Variants in TANC2 observed in about 807,000 individuals in gnomAD.
The protein encoded by TANC2 is protein TANC2.
TANC2 carries 26 observed loss-of-function variants against 210.5 expected under a neutral mutation model. The ratio of observed to expected loss-of-function variants is 0.12; its 90% CI spans 0.09 to 0.17. The LOEUF (loss-of-function observed/expected upper bound fraction) is 0.17, where lower values mean the gene tolerates loss of function less well. Ranked by LOEUF, TANC2 falls within the 10% of genes least tolerant of loss-of-function variation. The pLI, the probability that TANC2 is intolerant of heterozygous loss-of-function variation, is 1.00. For synonymous variants in TANC2, 931 were observed against 967.1 expected, an observed-to-expected ratio of 0.96 and a Z score of 0.69; for missense variants, 2,129 against 2,608.9, an observed-to-expected ratio of 0.82 and a Z score of 4.01.
At chr17:63,212,918 T>C (rs1355375732) in intron 7 of TANC2, among the ~76,000 whole-genome samples, 1 of 152,238 alleles carries the variant, frequency 6.6e-6, no homozygotes, top group Non-Finnish European at 1.5e-5. Flanking sequence ...ATTACTCTAT[T>C]CATTATTCAA....
intron 2 of TANC2, among the ~76,000 whole-genome samples, chr17:63,057,418 T>A (rs1370556453): frequency 2.0e-5 from 3 of 152,182 alleles, no homozygotes; most frequent in African/African-American, 4.8e-5. Flanking sequence ...CTTTATAATT[T>A]TTTTCTTTTT....
At chr17:63,157,318 C>T (rs1277273022) in intron 5 of TANC2, among the ~76,000 whole-genome samples, 1 of 151,906 alleles carries the variant, frequency 6.6e-6, no homozygotes. Context: ...GGTTAATAAT[C>T]TCATCACACT....
At chr17:63,291,068 C>G (rs974417300) in intron 9 of TANC2, among the ~76,000 whole-genome samples, 4 of 152,080 alleles carry the variant, frequency 2.6e-5, no homozygotes, top group African/African-American at 9.7e-5. Flanking sequence ...GGCATTTTCC[C>G]CCTTCCCCCA....
chr17:63,377,531 C>G (rs1018478638), intron 14 of TANC2, among the ~76,000 whole-genome samples: 1 of 152,238 alleles, frequency 6.6e-6, no homozygotes, highest in African/African-American at 2.4e-5. Context: ...TTCCTTATCT[C>G]TATCTGAGAC....
chr17:63,306,815 A>G lies in TANC2; in HGVS notation c.1160-7573A>G, dbSNP rs150726799. Among the ~76,000 whole-genome samples the G allele has an allele frequency of 1.4e-4, 21 of 152,266 alleles. No homozygotes were observed. The East Asian group carries it at 3.7e-3, about 27-fold the overall frequency. The stretch of plus-strand genomic sequence containing the variant: ...CAAAGTTTTTTAAAAATAGTCACGT[A>G]TGGTGGGACATGCCTATAGTCCCAG... On this transcript the variant is annotated intron_variant, in intron 9 of 27. Transcript: ENST00000689528.
chr17:63,396,039 C>A, intron 18 of TANC2, 111 bp downstream of exon 18: 2 of 968,680 alleles, frequency 2.1e-6, no homozygotes, highest in Non-Finnish European at 1.5e-6. Flanking sequence ...AATGTGAATT[C>A]GTGATCGCTG....
chr17:63,180,039 G>C (rs1317867391), intron 5 of TANC2, among the ~76,000 whole-genome samples: 1 of 151,032 alleles, frequency 6.6e-6, no homozygotes, highest in Non-Finnish European at 1.5e-5. Flanking sequence ...TACTCAAGAG[G>C]CTGAAGTGGG....
At chr17:63,289,055 A>G (rs1460093534) in intron 9 of TANC2, among the ~76,000 whole-genome samples, 3 of 152,064 alleles carry the variant, frequency 2.0e-5, no homozygotes, top group Non-Finnish European at 4.4e-5. Flanking sequence ...GTCACATGTA[A>G]TTCTTATCTT....
intron 1 of TANC2, among the ~76,000 whole-genome samples, chr17:63,007,994 T>G (rs886127124): frequency 1.3e-5 from 2 of 151,850 alleles, no homozygotes; most frequent in Middle Eastern, 3.4e-3. Context: ...GCCAGTTTTT[T>G]TTTTTTTTTT....
intron 9 of TANC2, among the ~76,000 whole-genome samples, chr17:63,291,033 T>G (rs1415590713): frequency 6.6e-6 from 1 of 152,144 alleles, no homozygotes; most frequent in Non-Finnish European, 1.5e-5. Flanking sequence ...AAATTCATAC[T>G]GTCCTCTCTA....
At chr17:63,291,345 T>C (rs2044377466) in intron 9 of TANC2, among the ~76,000 whole-genome samples, 1 of 152,232 alleles carries the variant, frequency 6.6e-6, no homozygotes, top group Non-Finnish European at 1.5e-5. Context: ...CTAGCCTTCC[T>C]GTTCTACCAA....
At chr17:62,989,384 C>T (rs1447567809) in intron 1 of TANC2, among the ~76,000 whole-genome samples, 37 of 152,120 alleles carry the variant, frequency 2.4e-4, no homozygotes, top group South Asian at 2.1e-4. Context: ...ATATAATTTG[C>T]GAAGAATTTT....
chr17:63,120,344 G>A (rs1320635001), intron 4 of TANC2, among the ~76,000 whole-genome samples: 2 of 152,028 alleles, frequency 1.3e-5, no homozygotes, highest in East Asian at 3.9e-4. Flanking sequence ...GAATCTGTAT[G>A]TATGTTAGGT....
intron 7 of TANC2, among the ~76,000 whole-genome samples, chr17:63,207,308 C>T (rs1327717614): frequency 6.6e-6 from 1 of 151,006 alleles, no homozygotes; most frequent in African/African-American, 2.4e-5. Flanking sequence ...CTCCACCTCC[C>T]GGGTTCATGC....
intron 4 of TANC2, among the ~76,000 whole-genome samples, chr17:63,140,669 G>T (rs990531016): frequency 1.3e-5 from 2 of 152,176 alleles, no homozygotes; most frequent in Non-Finnish European, 2.9e-5. Context: ...ATGTAATTCA[G>T]TGCTATTTAC....
rs200623978 is a variant in TANC2 at position 63,420,588 on chromosome 17, C to G, written c.4858C>G (p.Leu1620Val). 67 of 1,613,924 alleles carry G rather than the reference C, an allele frequency of 4.2e-5. No individual in the cohort carries two copies. The African/African-American group carries it at 8.3e-4, about 20-fold the overall frequency. The stretch of plus-strand genomic sequence containing the variant: ...ATACCCAAGCCCTCCCCCTTCCCCT[C>G]TCCGGAGAGGCCCTCAGTATCGGGC... The change falls in exon 28 of 28, where the codon CTC becomes GTC. Residue 1620 changes from leucine to valine, a missense_variant. Around this residue, in one of 5 missense-constraint regions of TANC2, gnomAD observed 584 missense variants for 627.3 expected, o/e 0.93. Transcript: ENST00000689528. The surrounding 1 kb of genome is among the most constrained non-coding windows in gnomAD (Gnocchi z 4.2).
intron 2 of TANC2, among the ~76,000 whole-genome samples, chr17:63,038,594 A>G (rs2035065312): frequency 6.6e-6 from 1 of 151,998 alleles, no homozygotes; most frequent in South Asian, 2.1e-4. Flanking sequence ...AGAATTTGTT[A>G]TTTCTTTAAA....
intron 9 of TANC2, among the ~76,000 whole-genome samples, chr17:63,314,054 T>G (rs942569915): frequency 6.6e-6 from 1 of 152,208 alleles, no homozygotes; most frequent in African/African-American, 2.4e-5. Flanking sequence ...AGGTCCCTTC[T>G]TCACTAGGCT....
intron 2 of TANC2, among the ~76,000 whole-genome samples, chr17:63,062,918 G>T (rs867323770): frequency 1.3e-5 from 2 of 152,140 alleles, no homozygotes; most frequent in South Asian, 2.1e-4. Context: ...TTCAATTCTG[G>T]CTACTTAGAG....
Sources: allele counts gnomAD v4.1 joint callset (sites outside exome capture counted in the v4.1 genomes callset), GRCh38; gene constraint gnomAD v4.1.1; regional missense constraint gnomAD v4.1.1; non-coding constraint Gnocchi (gnomAD v3.1); transcripts MANE v1.5; gene names NCBI Gene and HGNC (gene_info 2026-07-23, HGNC 2026-07-21).